ERCC6L2: variants seen among roughly 807,000 people sequenced by gnomAD.
ERCC6L2 encodes the protein DNA excision repair protein ERCC-6-like 2.
Under a neutral mutation model 132.0 loss-of-function variants are expected in ERCC6L2, and 77 were observed. The observed-to-expected ratio is 0.58, with a 90% confidence interval of 0.49 to 0.71. The LOEUF (loss-of-function observed/expected upper bound fraction) is 0.71, where lower values mean the gene tolerates loss of function less well. ERCC6L2 is among the 30% of genes least tolerant of loss of function. ERCC6L2 has a pLI of 0.00. For synonymous variants in ERCC6L2, 583 were observed against 632.4 expected, an observed-to-expected ratio of 0.92 and a Z score of 1.17; for missense variants, 1,542 against 1,837.6, an observed-to-expected ratio of 0.84 and a Z score of 2.94.
chr9:96,027,242 C>G (rs1468260754), intron 19 of ERCC6L2, among the ~76,000 whole-genome samples: 1 of 152,130 alleles, frequency 6.6e-6, no homozygotes, highest in Non-Finnish European at 1.5e-5. Context: ...ACCTCTTGCG[C>G]CCCCCTCCCG....
intron 17 of ERCC6L2, among the ~76,000 whole-genome samples, chr9:95,983,610 C>T (rs1832973676): frequency 6.6e-6 from 1 of 152,180 alleles, no homozygotes; most frequent in African/African-American, 2.4e-5. Flanking sequence ...TCTCTGAAAA[C>T]CATAGTATCA....
intron 17 of ERCC6L2, among the ~76,000 whole-genome samples, chr9:95,983,298 G>C (rs1832962878): frequency 6.6e-6 from 1 of 152,180 alleles, no homozygotes; most frequent in African/African-American, 2.4e-5. Context: ...ATTTAAAAAT[G>C]GACTGGGAAT....
At chr9:95,928,913 G>A (rs1830218837) in intron 11 of ERCC6L2, 49 bp downstream of exon 11, 2 of 1,336,662 alleles carry the variant, frequency 1.5e-6, no homozygotes, top group South Asian at 3.4e-5. Flanking sequence ...TTGTTTTTGA[G>A]ATTTAGCATA....
chr9:95,998,647 G>C (rs1254169743), intron 17 of ERCC6L2, among the ~76,000 whole-genome samples: 7 of 152,182 alleles, frequency 4.6e-5, no homozygotes, highest in African/African-American at 1.7e-4. Context: ...GCAGCCTCCA[G>C]GAGCTGGAAA....
At chr9:96,031,706 A>C (rs1314921118) in intron 19 of ERCC6L2, among the ~76,000 whole-genome samples, 1 of 152,238 alleles carries the variant, frequency 6.6e-6, no homozygotes, top group Non-Finnish European at 1.5e-5. Flanking sequence ...AATAAAGAGT[A>C]AGTGGGCAGA....
chr9:96,011,242 C>G (rs1172578901), intron 18 of ERCC6L2, among the ~76,000 whole-genome samples: 1 of 152,228 alleles, frequency 6.6e-6, no homozygotes, highest in African/African-American at 2.4e-5. Context: ...AGGTGGCCAC[C>G]ATCTCCCTGT....
Position 96,018,161 on chromosome 9 carries a change from T to C in ERCC6L2, c.*4958T>C, listed in dbSNP as rs572453092. Among the ~76,000 whole-genome samples, 77 of 152,282 alleles carry C rather than the reference T, an allele frequency of 5.1e-4. No homozygotes were observed. The South Asian group carries it at 0.015, about 30-fold the overall frequency. On this transcript the variant is annotated 3_prime_UTR_variant, in exon 19 of 19. Transcript: ENST00000653738. ...TGCAAAGTGGCCTGAAGATGGATGGTCGTGATGGTTGCACAGCAATGTGAA... is the reference window on the plus strand; with the variant it reads ...TGCAAAGTGGCCTGAAGATGGATGGCCGTGATGGTTGCACAGCAATGTGAA...
rs754561683 is a variant in ERCC6L2 at position 95,915,660 on chromosome 9, CTTTA to C, written c.789-6_789-3del. 141 of 1,598,346 alleles carry C rather than the reference CTTTA, an allele frequency of 8.8e-5. No individual in the cohort carries two copies. The African/African-American group carries it at 1.7e-3, about 20-fold the overall frequency. On this transcript the variant is annotated splice_region_variant and splice_polypyrimidine_tract_variant and intron_variant, in intron 4 of 18. Transcript: ENST00000653738. The stretch of plus-strand genomic sequence containing the variant: ...TCAACCTCACCCTTCTTTTTTCTTA[CTTTA>C]TAGTTTGGAATGGTCAGCTGTCATT...
chr9:96,023,628 G>C lies in ERCC6L2; in HGVS notation c.*1504-15248G>C, dbSNP rs543627915. On this transcript the variant is annotated intron_variant and NMD_transcript_variant, in intron 19 of 20. Transcript: ENST00000670016. ...TCAGTGCTATTTCCGAATGGAGCCC[G>C]GAGTTTCTCAGCACTGCGCTCCTCC... Among the ~76,000 whole-genome samples, 4 of 152,288 alleles carry C rather than the reference G, an allele frequency of 2.6e-5. No individual in the cohort carries two copies. In the South Asian group the frequency reaches 8.3e-4, roughly 32 times the overall value.
At chr9:95,940,938 G>A (rs1830769710) in intron 11 of ERCC6L2, among the ~76,000 whole-genome samples, 1 of 151,908 alleles carries the variant, frequency 6.6e-6, no homozygotes, top group African/African-American at 2.4e-5. Flanking sequence ...TTTCAGGAAA[G>A]CCATGACTCA....
intron 12 of ERCC6L2, among the ~76,000 whole-genome samples, chr9:95,942,259 C>G (rs538687815): frequency 2.6e-5 from 4 of 152,212 alleles, no homozygotes; most frequent in African/African-American, 7.2e-5. Context: ...CATGGAAACA[C>G]AGACCGGCTT....
chr9:95,973,565 A>T (rs1564277901), intron 16 of ERCC6L2, among the ~76,000 whole-genome samples: 1 of 152,186 alleles, frequency 6.6e-6, no homozygotes. Context: ...GGATGGTGGC[A>T]GGAAAAGAGA....
chr9:95,910,261 G>A (rs1437311111), intron 4 of ERCC6L2, among the ~76,000 whole-genome samples: 1 of 152,134 alleles, frequency 6.6e-6, no homozygotes, highest in African/African-American at 2.4e-5. Flanking sequence ...TTTATGAGGT[G>A]CACATGCATT....
intron 3 of ERCC6L2, among the ~76,000 whole-genome samples, chr9:95,900,004 G>A (rs75116049): frequency 0.15 from 22,456 of 151,998 alleles, 1,751 homozygotes; most frequent in South Asian, 0.24. Flanking sequence ...TTGCTATAAT[G>A]TACATTGCTA....
At chr9:96,004,964 T>C in intron 18 of ERCC6L2, 1 of 317,836 alleles carries the variant, frequency 3.1e-6, no homozygotes, top group East Asian at 8.0e-5. Context: ...TCAATGAATA[T>C]ATTTTGAGCA....
At chr9:96,026,792 C>A (rs75868334) in intron 19 of ERCC6L2, among the ~76,000 whole-genome samples, 9 of 134,012 alleles carry the variant, frequency 6.7e-5, no homozygotes, top group African/African-American at 1.1e-4. Flanking sequence ...CCACACACAC[C>A]CCACACACAT....
chr9:95,881,153 A>G lies in ERCC6L2; in HGVS notation c.331A>G (p.Asn111Asp), dbSNP rs2132514202. 2 of 1,613,786 alleles carry G rather than the reference A, an allele frequency of 1.2e-6. No individual in the cohort carries two copies. Among genetic ancestry groups the G allele is most frequent in the South Asian group, 2.2e-5 (2 of 91,058 alleles). Residue 111 changes from asparagine to aspartate, a missense_variant, in exon 2 of 19, where the codon AAT becomes GAT. Physicochemically the swap from Asn to Asp is conservative, Grantham distance 23 (BLOSUM62 1). Around this residue, in one of 4 missense-constraint regions of ERCC6L2, gnomAD observed 153 missense variants for 132.3 expected, o/e 1.16. Coordinates refer to ENST00000653738, the MANE Select transcript of ERCC6L2 (RefSeq NM_020207.7). ...TTCTGTTGCTTTTAAATTATCTGACAATGGAGACTCTATTCCTTATACCAT... is the reference window on the plus strand; with the variant it reads ...TTCTGTTGCTTTTAAATTATCTGACGATGGAGACTCTATTCCTTATACCAT... ...SSSVAFKLSD[N>D]GDSIPYTINR...
chr9:95,893,894 TA>T (rs1298949898), intron 2 of ERCC6L2, among the ~76,000 whole-genome samples: 1 of 152,222 alleles, frequency 6.6e-6, no homozygotes, highest in Non-Finnish European at 1.5e-5. Context: ...AATTTTCTGT[TA>T]TTTTCATAAG....
At chr9:96,030,694 T>C (rs1588068728) in intron 19 of ERCC6L2, among the ~76,000 whole-genome samples, 11 of 100,024 alleles carry the variant, frequency 1.1e-4, no homozygotes, top group East Asian at 3.3e-4. Flanking sequence ...AAAGCGAGAC[T>C]CCATCTCAAA....
Sources: gnomAD v4.1 joint callset for allele counts (sites outside exome capture counted in the v4.1 genomes callset) on GRCh38, gnomAD v4.1.1 for gene constraint, gnomAD v4.1.1 regional missense constraint, MANE v1.5 for transcripts, NCBI Gene and HGNC (gene_info 2026-07-23, HGNC 2026-07-21) for gene names.